The following DLG2 variants were observed in gnomAD, a reference collection of about 807,000 sequenced individuals.
DLG2 encodes the protein discs large MAGUK scaffold protein 2.
DLG2 carries 45 observed loss-of-function variants against 132.5 expected under a neutral mutation model. That is an observed-to-expected ratio of 0.34 (90% confidence interval 0.27 to 0.44). The LOEUF (loss-of-function observed/expected upper bound fraction) is 0.44, where lower values mean the gene tolerates loss of function less well. Among genes scored for constraint, DLG2 ranks in the 20% least tolerant of loss-of-function variants. The pLI, the probability that DLG2 is intolerant of heterozygous loss-of-function variation, is 1.00. For missense variants in DLG2, 1,045 were observed against 1,196.9 expected (o/e 0.87, Z 1.87); for synonymous variants, 424 against 419.6 (o/e 1.01, Z -0.13).
intron 26 of DLG2, among the ~76,000 whole-genome samples, chr11:83,466,361 CCAAAT>C (rs1216429698): frequency 6.6e-6 from 1 of 152,038 alleles, no homozygotes; most frequent in African/African-American, 2.4e-5. Flanking sequence ...AACCAAAAAA[CCAAAT>C]CAAGCCAAGC....
At chr11:83,573,167 G>T (rs1458231585) in intron 19 of DLG2, among the ~76,000 whole-genome samples, 1 of 152,038 alleles carries the variant, frequency 6.6e-6, no homozygotes, top group Non-Finnish European at 1.5e-5. Flanking sequence ...CACATGATTA[G>T]AATCAATTTA....
At chr11:85,067,114 T>C (rs755759601) in intron 6 of DLG2, among the ~76,000 whole-genome samples, 18 of 151,952 alleles carry the variant, frequency 1.2e-4, no homozygotes, top group African/African-American at 3.1e-4. Flanking sequence ...CCATTTCTTC[T>C]AGATTTTCTA....
intron 8 of DLG2, among the ~76,000 whole-genome samples, chr11:84,189,350 A>T (rs1471260831): frequency 1.3e-5 from 2 of 152,226 alleles, no homozygotes; most frequent in Non-Finnish European, 2.9e-5. Context: ...TGTTGTGGAG[A>T]AAAAGGTACG....
chr11:84,941,536 T>G (rs112125683), intron 6 of DLG2, among the ~76,000 whole-genome samples: 139 of 152,290 alleles, frequency 9.1e-4, no homozygotes, highest in Non-Finnish European at 1.7e-3. Context: ...ACTGATTGAT[T>G]TGCATATATT....
intron 21 of DLG2, among the ~76,000 whole-genome samples, chr11:83,488,493 C>G (rs1371083898): frequency 6.6e-6 from 1 of 151,956 alleles, no homozygotes; most frequent in Non-Finnish European, 1.5e-5. Context: ...AATTATTTTC[C>G]TACTCAAATC....
chr11:83,933,151 GC>G (rs1222979523), intron 14 of DLG2, among the ~76,000 whole-genome samples: 6 of 152,184 alleles, frequency 3.9e-5, no homozygotes, highest in Non-Finnish European at 8.8e-5. Flanking sequence ...AATCTGGGTG[GC>G]AGAACAGATG....
At position 85,060,621 on chromosome 11, in the gene DLG2, A is replaced by C. The variant is rs182235987; in HGVS notation, c.357+51040T>G. Among the ~76,000 whole-genome samples the C allele has an allele frequency of 4.6e-3, 700 of 151,860 alleles. 6 individuals carry two copies. Among genetic ancestry groups the C allele is most frequent in the African/African-American group, 0.016 (672 of 41,516 alleles). The stretch of plus-strand genomic sequence containing the variant: ...TGTTTCTACCTCATAGATATTGTGA[A>C]TAATGCTGCATTGAATGCAGAAATG... On this transcript the variant is annotated intron_variant, in intron 6 of 27. Transcript: ENST00000376104.
At chr11:83,611,240 T>C (rs1294695906) in intron 19 of DLG2, among the ~76,000 whole-genome samples, 1 of 152,092 alleles carries the variant, frequency 6.6e-6, no homozygotes, top group African/African-American at 2.4e-5. Flanking sequence ...ATAGCCCTTT[T>C]GAACGTAAAA....
chr11:84,586,259 A>T (rs1228840232), intron 6 of DLG2, among the ~76,000 whole-genome samples: 1 of 151,946 alleles, frequency 6.6e-6, no homozygotes, highest in African/African-American at 2.4e-5. Context: ...ATTTTATTAA[A>T]TATGCATAAA....
chr11:84,871,965 A>G (rs2085541154), intron 6 of DLG2, among the ~76,000 whole-genome samples: 1 of 152,176 alleles, frequency 6.6e-6, no homozygotes, highest in Non-Finnish European at 1.5e-5. Context: ...GTGAGCCACC[A>G]TGCCTGGCCT....
chr11:84,365,587 C>A (rs2098677416), intron 7 of DLG2, among the ~76,000 whole-genome samples: 2 of 151,830 alleles, frequency 1.3e-5, no homozygotes, highest in African/African-American at 4.8e-5. Context: ...TTTTCTAGTT[C>A]TTTTAATTGT....
chr11:83,820,610 T>A lies in DLG2; in HGVS notation c.1722+13004A>T, dbSNP rs184726062. On this transcript the variant is annotated intron_variant, in intron 17 of 27. Coordinates refer to ENST00000376104, the MANE Select transcript of DLG2 (RefSeq NM_001142699.3). ...ATGGCTTTCAGGGCAAGAAAATGGA[T>A]GTTTCAAATGAAAATATTCCCTGGA... Among the ~76,000 whole-genome samples the A allele has an allele frequency of 3.3e-3, 498 of 152,230 alleles. 3 individuals are homozygous for A. The highest frequency in any genetic ancestry group is 6.7e-3 in the Admixed American group (103 of 15,274).
At chr11:85,520,794 A>T (rs1329899479) in intron 3 of DLG2, among the ~76,000 whole-genome samples, 1 of 152,206 alleles carries the variant, frequency 6.6e-6, no homozygotes, top group African/African-American at 2.4e-5. Flanking sequence ...GGGTGCTGGG[A>T]AAGCTGGATA....
intron 3 of DLG2, among the ~76,000 whole-genome samples, chr11:85,516,057 TAC>T (rs1201834266): frequency 6.6e-6 from 1 of 152,138 alleles, no homozygotes; most frequent in East Asian, 1.9e-4. Context: ...CCTAATCAAA[TAC>T]ATTGACTCTC....
chr11:84,540,923 G>T (rs1459888114), intron 6 of DLG2, among the ~76,000 whole-genome samples: 2 of 151,962 alleles, frequency 1.3e-5, no homozygotes, highest in Non-Finnish European at 2.9e-5. Flanking sequence ...CCATCATTCT[G>T]AGCAAACTAT....
chr11:84,313,685 G>GAA (rs60268563), intron 7 of DLG2, among the ~76,000 whole-genome samples: 1 of 145,364 alleles, frequency 6.9e-6, no homozygotes, highest in Non-Finnish European at 1.5e-5. Context: ...AAGAAAGAAA[G>GAA]AAAAAGAAAG....
At chr11:84,332,372 C>A (rs572408863) in intron 7 of DLG2, among the ~76,000 whole-genome samples, 1 of 151,814 alleles carries the variant, frequency 6.6e-6, no homozygotes, top group Non-Finnish European at 1.5e-5. Context: ...CCACCACGCC[C>A]GGCTAATTTT....
intron 17 of DLG2, among the ~76,000 whole-genome samples, chr11:83,818,796 G>A (rs528604014): frequency 6.6e-6 from 1 of 152,116 alleles, no homozygotes; most frequent in African/African-American, 2.4e-5. Flanking sequence ...TTTGTCATAA[G>A]AAATGACTAT....
At chr11:84,335,811 T>G (rs576376453) in intron 7 of DLG2, among the ~76,000 whole-genome samples, 2 of 152,266 alleles carry the variant, frequency 1.3e-5, no homozygotes, top group South Asian at 4.2e-4. Context: ...AGGTAATGAT[T>G]GTCATGAACT....
Sources: gnomAD v4.1 joint callset for allele counts (sites outside exome capture counted in the v4.1 genomes callset) on GRCh38, gnomAD v4.1.1 for gene constraint, MANE v1.5 for transcripts, NCBI Gene and HGNC (gene_info 2026-07-23, HGNC 2026-07-21) for gene names.